The following PAPPA2 variants were observed in gnomAD, a reference collection of about 807,000 sequenced individuals.
PAPPA2 encodes the protein pappalysin 2.
Under a neutral mutation model 176.4 loss-of-function variants are expected in PAPPA2, and 86 were observed. That is an observed-to-expected ratio of 0.49 (90% CI 0.41 to 0.58). PAPPA2 has a LOEUF of 0.58. Ranked by LOEUF, PAPPA2 falls within the 20% of genes least tolerant of loss-of-function variation. The probability of loss-of-function intolerance (pLI) is 0.00; values close to 1 mark genes in which losing one functional copy is unlikely to be tolerated. For missense variants in PAPPA2, 2,073 were observed against 2,256.9 expected, an observed-to-expected ratio of 0.92 and a Z score of 1.65; for synonymous variants, 809 against 852.2, an observed-to-expected ratio of 0.95 and a Z score of 0.88.
chr1:176,702,321 A>G (rs1202989786), intron 8 of PAPPA2, among the ~76,000 whole-genome samples: 3 of 152,226 alleles, frequency 2.0e-5, no homozygotes, highest in African/African-American at 7.2e-5. Context: ...TTGAAATACC[A>G]TCTTCCTAGA....
chr1:176,674,210 A>G (rs1220857980), intron 4 of PAPPA2, among the ~76,000 whole-genome samples: 1 of 152,120 alleles, frequency 6.6e-6, no homozygotes, highest in East Asian at 1.9e-4. Flanking sequence ...GTGCAAGGGT[A>G]AACAGAAGTA....
chr1:176,572,599 G>A (rs905006942), intron 2 of PAPPA2, among the ~76,000 whole-genome samples: 1 of 152,128 alleles, frequency 6.6e-6, no homozygotes, highest in Non-Finnish European at 1.5e-5. Flanking sequence ...GTCTCCTTGG[G>A]TTATTTGTGA....
At chr1:176,689,174 T>C (rs1245738107) in intron 4 of PAPPA2, among the ~76,000 whole-genome samples, 1 of 152,072 alleles carries the variant, frequency 6.6e-6, no homozygotes, top group African/African-American at 2.4e-5. Context: ...AATTTTGGGG[T>C]GTAAACAAGG....
At chr1:176,551,458 AAGAGGATC>A (rs1313063652) in intron 1 of PAPPA2, among the ~76,000 whole-genome samples, 1 of 152,148 alleles carries the variant, frequency 6.6e-6, no homozygotes, top group Non-Finnish European at 1.5e-5. Context: ...CAGAAAGTCA[AAGAGGATC>A]AGTGACCACA....
At chr1:176,640,343 TC>T (rs1270787413) in intron 3 of PAPPA2, among the ~76,000 whole-genome samples, 1 of 63,768 alleles carries the variant, frequency 1.6e-5, no homozygotes, top group Non-Finnish European at 2.8e-5. Context: ...CCCTCCCCCC[TC>T]CCCCCACCCC....
chr1:176,684,552 C>T (rs550990927), intron 4 of PAPPA2, among the ~76,000 whole-genome samples: 2 of 152,154 alleles, frequency 1.3e-5, no homozygotes, highest in Non-Finnish European at 2.9e-5. Context: ...CCTACCCCCC[C>T]ACTCCCCATT....
At chr1:176,479,133 T>C (rs937316375) in intron 1 of PAPPA2, among the ~76,000 whole-genome samples, 5 of 152,202 alleles carry the variant, frequency 3.3e-5, no homozygotes, top group African/African-American at 1.2e-4. Flanking sequence ...GTCAGGTAGA[T>C]ACTATTATCC....
intron 3 of PAPPA2, among the ~76,000 whole-genome samples, chr1:176,611,595 A>AT (rs1407281839): frequency 2.6e-5 from 4 of 152,034 alleles, no homozygotes; most frequent in Non-Finnish European, 5.9e-5. Context: ...ATAAAATCAC[A>AT]TTTTTTTCTT....
intron 1 of PAPPA2, among the ~76,000 whole-genome samples, chr1:176,468,103 G>T (rs1319179550): frequency 6.6e-6 from 1 of 152,176 alleles, no homozygotes; most frequent in East Asian, 1.9e-4. Context: ...AAGGTTTGTG[G>T]ATTCAAGTAG....
chr1:176,524,919 G>C (rs1400767522), intron 1 of PAPPA2, among the ~76,000 whole-genome samples: 1 of 152,192 alleles, frequency 6.6e-6, no homozygotes, highest in Non-Finnish European at 1.5e-5. Flanking sequence ...GCGGGCGCCT[G>C]TAGTCCCAGC....
At chr1:176,840,024 A>G (rs1667424871) in intron 21 of PAPPA2, 149 bp from the exon 22 acceptor site, 1 of 587,916 alleles carries the variant, frequency 1.7e-6, no homozygotes, top group Non-Finnish European at 3.0e-6. Context: ...ACTTCTTGCA[A>G]ATATTAGGTC....
chr1:176,790,080 C>A, intron 18 of PAPPA2, 103 bp downstream of exon 18: 3 of 1,346,336 alleles, frequency 2.2e-6, no homozygotes. Context: ...TTCCAACAGG[C>A]AGGGACTTGG....
At chr1:176,538,850 G>A (rs144132651) in intron 1 of PAPPA2, among the ~76,000 whole-genome samples, 121 of 152,266 alleles carry the variant, frequency 7.9e-4, no homozygotes, top group African/African-American at 2.7e-3. Context: ...CTGAGATCCT[G>A]GTTCTGACAG....
intron 3 of PAPPA2, among the ~76,000 whole-genome samples, chr1:176,605,920 G>A (rs1454141705): frequency 6.6e-6 from 1 of 152,004 alleles, no homozygotes; most frequent in Non-Finnish European, 1.5e-5. Context: ...TTAGACCTTA[G>A]ACCTTGGTAT....
intron 15 of PAPPA2, among the ~76,000 whole-genome samples, chr1:176,768,328 C>T (rs1246229523): frequency 6.6e-6 from 1 of 152,122 alleles, no homozygotes; most frequent in African/African-American, 2.4e-5. Context: ...TGCTCTCCTC[C>T]CTGGCCGAGG....
chr1:176,564,413 G>A (rs1651842093), intron 2 of PAPPA2, among the ~76,000 whole-genome samples: 1 of 152,226 alleles, frequency 6.6e-6, no homozygotes, highest in African/African-American at 2.4e-5. Context: ...AGTCGTAGAT[G>A]ATATGTAAAC....
intron 4 of PAPPA2, among the ~76,000 whole-genome samples, chr1:176,682,436 G>A (rs570028517): frequency 1.3e-5 from 2 of 152,110 alleles, no homozygotes; most frequent in East Asian, 3.9e-4. Flanking sequence ...CAAGGTAGTA[G>A]CTTTTGTTAT....
intron 21 of PAPPA2, among the ~76,000 whole-genome samples, chr1:176,801,600 C>T (rs538696822): frequency 1.1e-4 from 17 of 151,670 alleles, no homozygotes; most frequent in South Asian, 1.0e-3. Flanking sequence ...GGGGTGGGGA[C>T]GCGGGAGAGA....
intron 21 of PAPPA2, among the ~76,000 whole-genome samples, chr1:176,822,772 A>G (rs1350948022): frequency 1.3e-5 from 2 of 152,194 alleles, no homozygotes; most frequent in African/African-American, 4.8e-5. Context: ...AATGCAGATT[A>G]TTATGAAATT....
Sources: gnomAD v4.1 joint callset for allele counts (sites outside exome capture counted in the v4.1 genomes callset) on GRCh38, gnomAD v4.1.1 for gene constraint, MANE v1.5 for transcripts, NCBI Gene and HGNC (gene_info 2026-07-23, HGNC 2026-07-21) for gene names.